The following BRWD3 variants were observed in gnomAD, a reference collection of about 807,000 sequenced individuals.
The protein encoded by BRWD3 is bromodomain and WD repeat-containing protein 3.
Under a neutral mutation model 149.7 loss-of-function variants are expected in BRWD3, and 10 were observed. That is an observed-to-expected ratio of 0.07 (90% confidence interval 0.04 to 0.11). The LOEUF (loss-of-function observed/expected upper bound fraction) is 0.11, where lower values mean the gene tolerates loss of function less well. Among genes scored for constraint, BRWD3 ranks in the 10% least tolerant of loss-of-function variants. The pLI is 1.00. For synonymous variants in BRWD3, 504 were observed against 456.7 expected (o/e 1.10, Z -1.32); for missense variants, 940 against 1,373.2 (o/e 0.68, Z 4.99).
intron 24 of BRWD3, among the ~76,000 whole-genome samples, chrX:80,702,718 A>T (rs2072808070): frequency 8.9e-6 from 1 of 111,898 alleles, no homozygotes; most frequent in African/African-American, 3.2e-5. Context: ...TATAACAGGC[A>T]ATTACAGAAA....
At chrX:80,735,509 T>C (rs542759445) in intron 9 of BRWD3, among the ~76,000 whole-genome samples, 1 of 111,628 alleles carries the variant, frequency 9.0e-6, no homozygotes, top group Non-Finnish European at 1.9e-5. Context: ...ATATAAATTG[T>C]CTCTTCAACA....
In BRWD3 at chrX:80,689,955, AC is replaced by A; in HGVS notation, c.3728+11del. 1 of 1,207,798 alleles carries A rather than the reference AC, an allele frequency of 8.3e-7. No homozygotes were observed. The highest frequency in any genetic ancestry group is 1.1e-6 in the Non-Finnish European group (1 of 892,956). On this transcript the variant is annotated intron_variant, in intron 32 of 40. Coordinates refer to ENST00000373275, the MANE Select transcript of BRWD3 (RefSeq NM_153252.5). ...TAAGTTAGACTCTCTGGAAGCTAAA[AC>A]TGCTTCTTACCCAATAAATCGAAGT...
intron 4 of BRWD3, among the ~76,000 whole-genome samples, chrX:80,807,680 A>G (rs1184822112): frequency 1.8e-5 from 2 of 112,198 alleles, no homozygotes; most frequent in Admixed American, 9.5e-5. Context: ...CACAAGGTAC[A>G]TTTATACTAT....
At chrX:80,677,553 G>C (rs1250077031) in intron 40 of BRWD3, among the ~76,000 whole-genome samples, 190 bp from the exon 41 acceptor site, 1 of 111,468 alleles carries the variant, frequency 9.0e-6, no homozygotes, top group Non-Finnish European at 1.9e-5. Flanking sequence ...TTTTGGGAGA[G>C]GGAGGAGAAT....
chrX:80,731,099 T>C (rs1401269741), intron 12 of BRWD3, among the ~76,000 whole-genome samples: 3 of 111,487 alleles, frequency 2.7e-5, no homozygotes, highest in Non-Finnish European at 5.7e-5. Flanking sequence ...GCCAAATTGT[T>C]TCCCTGAAAA....
intron 20 of BRWD3, among the ~76,000 whole-genome samples, chrX:80,714,391 C>G (rs2073046279): frequency 9.1e-6 from 1 of 109,351 alleles, no homozygotes; most frequent in African/African-American, 3.3e-5. Context: ...ACCACCACAC[C>G]TGGCTACCCA....
chrX:80,681,554 T>TA (rs1266245385), intron 39 of BRWD3, 55 bp from the exon 40 acceptor site: 5 of 981,215 alleles, frequency 5.1e-6, no homozygotes, highest in Non-Finnish European at 7.2e-6. Context: ...TCAGGAAAGT[T>TA]AAACAGGCTA....
chrX:80,729,673 T>C (rs954252468), intron 13 of BRWD3, among the ~76,000 whole-genome samples: 1 of 111,441 alleles, frequency 9.0e-6, no homozygotes, highest in Admixed American at 9.5e-5. Flanking sequence ...TAGGCATCAG[T>C]AGAACACAGA....
At chrX:80,684,220 A>G (rs1306266270) in intron 36 of BRWD3, 58 bp from the exon 37 acceptor site, 4 of 1,057,652 alleles carry the variant, frequency 3.8e-6, no homozygotes, top group Non-Finnish European at 5.2e-6. Context: ...ATACAATGGG[A>G]CTAAAATTGG....
intron 6 of BRWD3, among the ~76,000 whole-genome samples, chrX:80,773,414 T>C (rs1168221851): frequency 9.0e-6 from 1 of 111,679 alleles, no homozygotes; most frequent in Non-Finnish European, 1.9e-5. Context: ...TAAAATTGCA[T>C]GCTTTTTCAT....
chrX:80,730,046 T>A, intron 12 of BRWD3, 26 bp from the exon 13 acceptor site: 1 of 1,053,395 alleles, frequency 9.5e-7, no homozygotes, highest in Non-Finnish European at 1.3e-6. Context: ...ATAACTTTAT[T>A]AATTTTCTCA....
intron 6 of BRWD3, among the ~76,000 whole-genome samples, chrX:80,769,876 G>A (rs1300583287): frequency 9.0e-6 from 1 of 110,740 alleles, no homozygotes; most frequent in Non-Finnish European, 1.9e-5. Context: ...GAAGAAAAGA[G>A]AGAAGAATCA....
At chrX:80,765,596 TTCC>T (rs1318755338) in intron 6 of BRWD3, among the ~76,000 whole-genome samples, 2 of 112,138 alleles carry the variant, frequency 1.8e-5, no homozygotes, top group African/African-American at 6.5e-5. Context: ...TGAAATATTA[TTCC>T]TCCTTATTTT....
At chrX:80,726,399 CAT>C (rs1307312057) in intron 14 of BRWD3, among the ~76,000 whole-genome samples, 4 of 109,602 alleles carry the variant, frequency 3.6e-5, no homozygotes, top group Admixed American at 1.9e-4. Flanking sequence ...AACATGTTTA[CAT>C]ATGTTATATG....
At position 80,761,511 on chromosome X, in the gene BRWD3, A is replaced by C. The variant is rs976794489; in HGVS notation, c.431-15782T>G. On this transcript the variant is annotated intron_variant, in intron 6 of 40. Coordinates refer to ENST00000373275, the MANE Select transcript of BRWD3 (RefSeq NM_153252.5). Reference sequence around the variant, plus strand: ...AAAAGTGGTAATCAGGTGTAAAGCAACTGTCATTTTATACTAAACTTAAGG... The same window carrying C: ...AAAAGTGGTAATCAGGTGTAAAGCACCTGTCATTTTATACTAAACTTAAGG... Among the ~76,000 whole-genome samples, 16 of 112,109 alleles carry C rather than the reference A, an allele frequency of 1.4e-4. No homozygotes were observed. The Admixed American group carries it at 1.5e-3, about 11-fold the overall frequency.
intron 40 of BRWD3, 96 bp from the exon 41 acceptor site, chrX:80,677,459 G>T: frequency 9.5e-7 from 1 of 1,054,624 alleles, no homozygotes. Context: ...AAAAATATGT[G>T]GAATACAATC....
At chrX:80,764,312 A>G (rs1602407593) in intron 6 of BRWD3, among the ~76,000 whole-genome samples, 1 of 108,303 alleles carries the variant, frequency 9.2e-6, no homozygotes, top group African/African-American at 3.3e-5. Context: ...TAGGCAAAGA[A>G]TTTTTTTTTT....
At chrX:80,758,153 C>T (rs7052331) in intron 6 of BRWD3, among the ~76,000 whole-genome samples, 9,248 of 110,424 alleles carry the variant, frequency 0.084, 373 homozygotes, top group South Asian at 0.19. Context: ...GAGCCAAGAT[C>T]GCGCCATTGC....
intron 8 of BRWD3, among the ~76,000 whole-genome samples, chrX:80,741,921 C>T (rs746901862): frequency 5.4e-5 from 6 of 111,644 alleles, no homozygotes; most frequent in Admixed American, 2.9e-4. Flanking sequence ...TTAATTAGAT[C>T]GCATTTGTCA....
Sources: gnomAD v4.1 joint callset for allele counts (sites outside exome capture counted in the v4.1 genomes callset) on GRCh38, gnomAD v4.1.1 for gene constraint, MANE v1.5 for transcripts, NCBI Gene and HGNC (gene_info 2026-07-23, HGNC 2026-07-21) for gene names.